KLHL3: variants seen among roughly 807,000 people sequenced by gnomAD.
KLHL3 encodes kelch-like protein 3.
In KLHL3, 19 loss-of-function variants were observed where a neutral mutation model predicts 70.5. That is an observed-to-expected ratio of 0.27 (90% CI 0.19 to 0.40). The LOEUF is 0.40. Ranked by LOEUF, KLHL3 falls within the 10% of genes least tolerant of loss-of-function variation. The pLI is 1.00. For missense variants in KLHL3, 512 were observed against 771.1 expected (o/e 0.66, Z 3.98); for synonymous variants, 258 against 290.3 (o/e 0.89, Z 1.13).
In KLHL3 at chr5:137,717,856, G is replaced by GA. The variant is rs533425173; in HGVS notation, c.134+2608dup. On this transcript the variant is annotated intron_variant, in intron 2 of 14. Transcript: ENST00000309755. ...AATATATATAGATTGTGGTCCATTT[G>GA]AAAAAAAACAAAAAGAGGGAGAATA... Among the ~76,000 whole-genome samples the GA allele has an allele frequency of 3.6e-3, 544 of 151,318 alleles. 5 individuals carry two copies. The highest frequency in any genetic ancestry group is 0.012 in the African/African-American group (511 of 41,290).
Position 137,720,225 on chromosome 5 carries a change from G to C in KLHL3, c.134+240C>G, listed in dbSNP as rs528581903. ...TGAGGCAGGGGAATCACTTGAACCC[G>C]GGAGGTGGAGGTTGCAGTGAGCCAA... On this transcript the variant is annotated intron_variant, in intron 2 of 14. Transcript: ENST00000309755. Among the ~76,000 whole-genome samples, 2 of 152,152 alleles carry C rather than the reference G, an allele frequency of 1.3e-5. 1 individual carries two copies. Among genetic ancestry groups the C allele is most frequent in the South Asian group, 4.2e-4 (2 of 4,814 alleles).
At chr5:137,704,490 T>C (rs1024620093) in intron 3 of KLHL3, among the ~76,000 whole-genome samples, 1 of 152,330 alleles carries the variant, frequency 6.6e-6, no homozygotes, top group South Asian at 2.1e-4. Context: ...ACCACACTTG[T>C]GTTTAATCCT....
At chr5:137,720,328 G>C (rs887171436) in intron 2 of KLHL3, 137 bp downstream of exon 2, 26 of 983,684 alleles carry the variant, frequency 2.6e-5, no homozygotes, top group Non-Finnish European at 3.8e-5. Context: ...GAAAGAAAGG[G>C]GAACTCAAGT....
At chr5:137,669,057 G>A (rs1751684612) in intron 6 of KLHL3, among the ~76,000 whole-genome samples, 1 of 151,994 alleles carries the variant, frequency 6.6e-6, no homozygotes, top group Non-Finnish European at 1.5e-5. Context: ...AGATTCACAA[G>A]GACCCTGTGA....
intron 8 of KLHL3, among the ~76,000 whole-genome samples, chr5:137,641,412 C>T (rs1750911533): frequency 6.6e-6 from 1 of 152,152 alleles, no homozygotes; most frequent in Non-Finnish European, 1.5e-5. Context: ...CTAACAAGTT[C>T]CCAGGTGCTG....
intron 8 of KLHL3, among the ~76,000 whole-genome samples, chr5:137,646,469 C>T (rs1751048948): frequency 6.6e-6 from 1 of 152,174 alleles, no homozygotes; most frequent in Non-Finnish European, 1.5e-5. Context: ...GAATAAATTT[C>T]CTATCATGAG....
At position 137,735,955 on chromosome 5, in the gene KLHL3, GGAACGGC is replaced by G; in HGVS notation, c.-316_-310del. On this transcript the variant is annotated 5_prime_UTR_variant, in exon 1 of 15. The change abolishes the stop of an existing upstream ORF in the 5' untranslated region. Transcript: ENST00000309755. ...AGGCTTGCTGCTCCTTGGTCTCCTA[GGAACGGC>G]GGCAGCTCCAGCGACCCAGGTGCAC... is the stretch of plus-strand genomic sequence containing the variant. The G allele has an allele frequency of 2.1e-6, 1 of 472,814 alleles. No homozygotes were observed. 29.3% of individuals were successfully genotyped at this position (472,814 alleles called of 1,614,324 possible). A position where few individuals can be genotyped will look rare whatever the true frequency, so the allele number is the denominator to read the frequency against.
At chr5:137,632,495 C>T (rs928896379) in intron 12 of KLHL3, among the ~76,000 whole-genome samples, 38 of 152,196 alleles carry the variant, frequency 2.5e-4, no homozygotes, top group African/African-American at 9.1e-4. Context: ...TTACCATATA[C>T]AAAAATTAAC....
At chr5:137,725,076 T>C in intron 1 of KLHL3, 1 of 984,900 alleles carries the variant, frequency 1.0e-6, no homozygotes. Flanking sequence ...AGATCTTAAC[T>C]ACTTAAACCT....
intron 14 of KLHL3, among the ~76,000 whole-genome samples, chr5:137,622,912 T>C (rs530227044): frequency 6.6e-6 from 1 of 152,308 alleles, no homozygotes; most frequent in East Asian, 1.9e-4. Flanking sequence ...AAGCTCAGGT[T>C]CCCAGACTGC....
chr5:137,683,644 T>G (rs1752087950), intron 5 of KLHL3, among the ~76,000 whole-genome samples: 1 of 152,088 alleles, frequency 6.6e-6, no homozygotes, highest in African/African-American at 2.4e-5. Flanking sequence ...CTCTAAATAT[T>G]ACTACCTCCA....
intron 13 of KLHL3, chr5:137,628,073 A>G (rs1055724852): frequency 1.3e-5 from 7 of 558,472 alleles, no homozygotes; most frequent in Non-Finnish European, 2.2e-5. Context: ...CACTGCGGGG[A>G]AAGGGGATCC....
At chr5:137,735,170 C>T (rs1011273563) in intron 1 of KLHL3, among the ~76,000 whole-genome samples, 2 of 152,190 alleles carry the variant, frequency 1.3e-5, no homozygotes, top group African/African-American at 4.8e-5. Flanking sequence ...GCATGGCATG[C>T]TTGCTGAAGA....
intron 3 of KLHL3, among the ~76,000 whole-genome samples, chr5:137,707,931 T>A (rs1158776309): frequency 6.6e-6 from 1 of 151,980 alleles, no homozygotes; most frequent in African/African-American, 2.4e-5. Context: ...CTTTCCAAAC[T>A]CCACACACAA....
intron 4 of KLHL3, among the ~76,000 whole-genome samples, chr5:137,695,863 G>T (rs1303639416): frequency 6.6e-6 from 1 of 152,160 alleles, no homozygotes; most frequent in Non-Finnish European, 1.5e-5. Flanking sequence ...TCCCTGGAGG[G>T]AGGAGGCTGA....
intron 1 of KLHL3, among the ~76,000 whole-genome samples, chr5:137,728,991 A>G (rs1308146628): frequency 6.6e-6 from 1 of 152,070 alleles, no homozygotes. Flanking sequence ...AAAAAAAAAA[A>G]AAAGAAAAGA....
chr5:137,621,856 T>C lies in KLHL3; in HGVS notation c.*242A>G. The C allele has an allele frequency of 1.7e-6, 1 of 576,020 alleles. No individual in the cohort carries two copies. The highest frequency in any genetic ancestry group is 2.2e-5 in the South Asian group (1 of 45,094). The allele number at this position is 576,020 out of a possible 1,614,324, so 35.7% of individuals were successfully genotyped here. On this transcript the variant is annotated 3_prime_UTR_variant, in exon 15 of 15. Coordinates refer to ENST00000309755, the MANE Select transcript of KLHL3 (RefSeq NM_017415.3). ...ACACCAAAACAAAGCCCAAAGGTGC[T>C]GCCTGGGGATGTCAAGACCCCCCTT...
At position 137,639,127 on chromosome 5, in the gene KLHL3, C is replaced by T. The variant is rs773758544; in HGVS notation, c.1045G>A (p.Val349Met). 8 of 1,613,552 alleles carry T rather than the reference C, an allele frequency of 5.0e-6. No individual in the cohort carries two copies. The highest frequency in any genetic ancestry group is 6.8e-6 in the Non-Finnish European group (8 of 1,179,858). Residue 349 changes from valine (V) to methionine (M), a missense_variant, in exon 10 of 15, where the codon GTG becomes ATG. Transcript: ENST00000309755. This position sits in a 1 kb window ranked among gnomAD's most constrained non-coding sequence, Gnocchi z 5.0. ...CCATTAAACCCTCCCACGGCATACA[C>T]GTGGCCAGCCATGAACACCACACCT... ...RAGVVFMAGHVYAVGGFNGSL... is the reference protein window; with the variant it reads ...RAGVVFMAGHMYAVGGFNGSL...
In KLHL3 at chr5:137,689,588, T is replaced by A. The variant is rs115691836; in HGVS notation, c.526+2697A>T. ...TAACACAGAAACAGAACACCAAATA[T>A]CACGTGTTTTCACTTGTAAGTGGGC... On this transcript the variant is annotated intron_variant, in intron 5 of 14. Coordinates refer to ENST00000309755, the MANE Select transcript of KLHL3 (RefSeq NM_017415.3). Among the ~76,000 whole-genome samples the A allele has an allele frequency of 2.9e-3, 446 of 152,210 alleles. 4 individuals are homozygous for A. Among genetic ancestry groups the A allele is most frequent in the African/African-American group, 0.01 (429 of 41,524 alleles).
Sources: allele counts gnomAD v4.1 joint callset (sites outside exome capture counted in the v4.1 genomes callset), GRCh38; gene constraint gnomAD v4.1.1; non-coding constraint Gnocchi (gnomAD v3.1); transcripts MANE v1.5; gene names NCBI Gene and HGNC (gene_info 2026-07-23, HGNC 2026-07-21).